SNTB2: variants seen among roughly 807,000 people sequenced by gnomAD.
The protein encoded by SNTB2 is syntrophin beta 2.
A neutral mutation model predicts 46.2 loss-of-function variants in SNTB2; 34 were observed. The ratio of observed to expected loss-of-function variants is 0.74; its 90% confidence interval spans 0.56 to 0.98. The LOEUF (loss-of-function observed/expected upper bound fraction) is 0.98, where lower values mean the gene tolerates loss of function less well. SNTB2 is among the 50% of genes least tolerant of loss of function. The probability of loss-of-function intolerance (pLI) is 0.00; values close to 1 mark genes in which losing one functional copy is unlikely to be tolerated. For missense variants in SNTB2, 603 were observed against 731.4 expected, an observed-to-expected ratio of 0.82 and a Z score of 2.02; for synonymous variants, 290 against 312.6, an observed-to-expected ratio of 0.93 and a Z score of 0.76.
At chr16:69,257,760 T>G (rs1047892473) in intron 2 of SNTB2, among the ~76,000 whole-genome samples, 2 of 152,216 alleles carry the variant, frequency 1.3e-5, no homozygotes, top group African/African-American at 4.8e-5. Flanking sequence ...TCTTATTTTA[T>G]GTCTTCTATT....
At chr16:69,286,910 T>C (rs538572996) in intron 5 of SNTB2, among the ~76,000 whole-genome samples, 117 of 152,182 alleles carry the variant, frequency 7.7e-4, no homozygotes, top group Non-Finnish European at 1.1e-3. Context: ...TAAGGACTCA[T>C]TTACCAAGTA....
intron 1 of SNTB2, among the ~76,000 whole-genome samples, chr16:69,229,501 A>C (rs1353296935): frequency 7.2e-6 from 1 of 139,132 alleles, no homozygotes. Context: ...TTTAAGAGAC[A>C]TGGTCTTACT....
chr16:69,212,374 C>T (rs1049144493), intron 1 of SNTB2, among the ~76,000 whole-genome samples: 2 of 152,062 alleles, frequency 1.3e-5, no homozygotes, highest in Non-Finnish European at 2.9e-5. Flanking sequence ...CAGAGTCTCT[C>T]TGTCACCAGG....
intron 1 of SNTB2, among the ~76,000 whole-genome samples, chr16:69,216,461 T>C (rs1246541621): frequency 2.0e-5 from 3 of 151,634 alleles, no homozygotes; most frequent in Non-Finnish European, 2.9e-5. Context: ...GGTGGGAGGA[T>C]TGCATGAGAT....
intron 2 of SNTB2, among the ~76,000 whole-genome samples, chr16:69,253,272 GCTT>G (rs1410258013): frequency 6.6e-6 from 1 of 152,044 alleles, no homozygotes; most frequent in Non-Finnish European, 1.5e-5. Flanking sequence ...CTATTTTGGA[GCTT>G]CTTTGCTGTT....
chr16:69,285,743 A>C (rs1353308501), intron 5 of SNTB2, among the ~76,000 whole-genome samples: 2 of 150,526 alleles, frequency 1.3e-5, no homozygotes, highest in African/African-American at 4.9e-5. Context: ...CTCCTGCCTC[A>C]GTTTCCCAAA....
chr16:69,272,653 A>C (rs987603299), intron 4 of SNTB2, among the ~76,000 whole-genome samples: 3 of 151,690 alleles, frequency 2.0e-5, no homozygotes, highest in African/African-American at 7.3e-5. Context: ...ACACTTTGGG[A>C]GGCCAAGGCA....
In SNTB2 at chr16:69,304,050, A is replaced by G. The variant is rs143901505; in HGVS notation, c.*3126A>G. 6.6e-6 allele frequency: 1 copy of G among 152,350 alleles called. No homozygotes were observed. The highest frequency in any genetic ancestry group is 2.4e-5 in the African/African-American group (1 of 41,580). 9.4% of individuals were successfully genotyped at this position (152,350 alleles called of 1,614,324 possible). A position where few individuals can be genotyped will look rare whatever the true frequency, so the allele number is the denominator to read the frequency against. ...ACATTCCACACAGATGCCTAGGAGC[A>G]GCGAGTTGGTATATGAAAAGTCTCC... is the stretch of plus-strand genomic sequence containing the variant. On this transcript the variant is annotated 3_prime_UTR_variant, in exon 7 of 7. Coordinates refer to ENST00000336278, the MANE Select transcript of SNTB2 (RefSeq NM_006750.4).
At chr16:69,211,448 C>T (rs905980404) in intron 1 of SNTB2, among the ~76,000 whole-genome samples, 19 of 148,880 alleles carry the variant, frequency 1.3e-4, no homozygotes, top group Non-Finnish European at 2.4e-4. Flanking sequence ...CTACTTGGCT[C>T]AGGAGGCTGA....
intron 1 of SNTB2, among the ~76,000 whole-genome samples, chr16:69,216,078 A>C (rs899345800): frequency 1.3e-5 from 2 of 152,210 alleles, no homozygotes; most frequent in African/African-American, 4.8e-5. Context: ...GGCCTCACAA[A>C]ATACAGGGAT....
chr16:69,275,116 T>C (rs903643806), intron 4 of SNTB2, among the ~76,000 whole-genome samples: 1 of 151,540 alleles, frequency 6.6e-6, no homozygotes, highest in African/African-American at 2.4e-5. Context: ...TGTTGTCCAG[T>C]CTAGAGTGTG....
intron 2 of SNTB2, 92 bp downstream of exon 2, chr16:69,245,907 C>A: frequency 7.9e-7 from 1 of 1,258,970 alleles, no homozygotes; most frequent in Non-Finnish European, 1.1e-6. Flanking sequence ...CTCAGTTATA[C>A]AGAGGAAAAC....
chr16:69,257,571 G>A (rs969111632), intron 2 of SNTB2, among the ~76,000 whole-genome samples: 18 of 151,648 alleles, frequency 1.2e-4, no homozygotes, highest in African/African-American at 2.2e-4. Context: ...TCAGCCTCCC[G>A]AGTAGCTGGG....
intron 5 of SNTB2, among the ~76,000 whole-genome samples, chr16:69,289,608 G>A (rs747713283): frequency 6.6e-5 from 10 of 151,790 alleles, no homozygotes; most frequent in African/African-American, 1.7e-4. Flanking sequence ...ACAAAATATC[G>A]CATGTACCCC....
At chr16:69,272,557 AAG>A (rs1239929844) in intron 4 of SNTB2, among the ~76,000 whole-genome samples, 3 of 150,586 alleles carry the variant, frequency 2.0e-5, no homozygotes, top group Non-Finnish European at 3.0e-5. Context: ...AAAAAAAAAA[AAG>A]AGATAATTAT....
chr16:69,289,914 C>T (rs563678257), intron 5 of SNTB2, among the ~76,000 whole-genome samples: 121 of 152,146 alleles, frequency 8.0e-4, no homozygotes, highest in Non-Finnish European at 1.3e-3. Context: ...AGAACAAGAC[C>T]CTGTCTCAAA....
chr16:69,260,168 C>T lies in SNTB2; in HGVS notation c.913C>T (p.Gln305Ter). Reference sequence around the variant, plus strand: ...CACCAACATAATGGCTCTCCTCCCACAGGTGTTGGCTGAACTCAACGCCAT... The same window carrying T: ...CACCAACATAATGGCTCTCCTCCCATAGGTGTTGGCTGAACTCAACGCCAT... The part of the protein sequence containing the change: ...IHTNIMALLP[Q>*]VLAELNAMLG... Residue 305 changes from glutamine (Q) to a stop codon, truncating the protein, a stop_gained, in exon 3 of 7, where the codon CAG becomes TAG. Transcript: ENST00000336278. LOFTEE classifies it high-confidence loss of function. The T allele has an allele frequency of 1.2e-6, 2 of 1,614,146 alleles. No homozygotes were observed. Among genetic ancestry groups the T allele is most frequent in the Non-Finnish European group, 1.7e-6 (2 of 1,180,028 alleles).
chr16:69,217,179 T>C (rs1964355543), intron 1 of SNTB2, among the ~76,000 whole-genome samples: 1 of 152,226 alleles, frequency 6.6e-6, no homozygotes, highest in Admixed American at 6.5e-5. Flanking sequence ...GTTTGGCCTT[T>C]CTTTTTCCTT....
chr16:69,276,078 G>C (rs1964982718), intron 4 of SNTB2, among the ~76,000 whole-genome samples: 2 of 152,130 alleles, frequency 1.3e-5, no homozygotes, highest in African/African-American at 2.4e-5. Flanking sequence ...CACATTTCTT[G>C]AGATTAAAGC....
Sources: gnomAD v4.1 joint callset for allele counts (sites outside exome capture counted in the v4.1 genomes callset) on GRCh38, gnomAD v4.1.1 for gene constraint, MANE v1.5 for transcripts, NCBI Gene and HGNC (gene_info 2026-07-23, HGNC 2026-07-21) for gene names.